The following ALMS1 variants were observed in gnomAD, a reference collection of about 807,000 sequenced individuals.
ALMS1 encodes the protein ALMS1 centrosome and basal body associated protein, also known as centrosome-associated protein ALMS1.
ALMS1 carries 271 observed loss-of-function variants against 352.2 expected under a neutral mutation model. That is an observed-to-expected ratio of 0.77 (90% CI 0.70 to 0.85). ALMS1 has a LOEUF of 0.85. Ranked by LOEUF, ALMS1 falls within the 40% of genes least tolerant of loss-of-function variation. The pLI is 0.00. For missense variants in ALMS1, 5,445 were observed against 4,870.7 expected, an observed-to-expected ratio of 1.12 and a Z score of -3.51; for synonymous variants, 1,865 against 1,761.2, an observed-to-expected ratio of 1.06 and a Z score of -1.48.
At chr2:73,406,081 C>G (rs1475023803) in intron 1 of ALMS1, among the ~76,000 whole-genome samples, 5 of 152,122 alleles carry the variant, frequency 3.3e-5, no homozygotes, top group Non-Finnish European at 5.9e-5. Flanking sequence ...CCTTATTGAT[C>G]TCATTCTATC....
rs372032202 is a variant in ALMS1 at position 73,489,722 on chromosome 2, G to A, written c.7763G>A (p.Arg2588Gln). The A allele has an allele frequency of 5.5e-5, 88 of 1,613,918 alleles. No homozygotes were observed. The highest frequency in any genetic ancestry group is 6.7e-5 in the Non-Finnish European group (79 of 1,180,030). The change falls in exon 10 of 23, where the codon CGG becomes CAG. Residue 2588 changes from arginine to glutamine, a missense_variant. Physicochemically the swap from Arg to Gln is conservative, Grantham distance 43. Transcript: ENST00000613296. ...GAGAGCCATGAAAAGGGATGTTTCCGGACTCTAACTTCTGAACATCCACAA... is the reference window on the plus strand; with the variant it reads ...GAGAGCCATGAAAAGGGATGTTTCCAGACTCTAACTTCTGAACATCCACAA... Reference protein sequence around the residue: ...IIESHEKGCFRTLTSEHPQLD... With the variant: ...IIESHEKGCFQTLTSEHPQLD...
At chr2:73,468,240 G>A (rs1410194924) in intron 9 of ALMS1, among the ~76,000 whole-genome samples, 1 of 151,878 alleles carries the variant, frequency 6.6e-6, no homozygotes, top group Non-Finnish European at 1.5e-5. Flanking sequence ...TTGGAGAATA[G>A]TAAAATTTAT....
At position 73,572,570 on chromosome 2, in the gene ALMS1, A is replaced by G. The variant is rs1381406599; in HGVS notation, c.10693A>G (p.Ser3565Gly). The change falls in exon 16 of 23, where the codon AGT (serine) becomes GGT (glycine). Residue 3565 changes from serine (S) to glycine (G), a missense_variant. Physicochemically the swap from Ser to Gly is moderately conservative, Grantham distance 56 (BLOSUM62 0). Coordinates refer to ENST00000613296, the MANE Select transcript of ALMS1 (RefSeq NM_001378454.1). ...GNKEVMDTTK[S>G]QVRDYPKHNG... ...CAAAGAAGTGATGGATACTACTAAA[A>G]GTCAAGTTAGAGATTATCCAAAACA... The G allele has an allele frequency of 6.2e-7, 1 of 1,613,808 alleles. No homozygotes were observed. Among genetic ancestry groups the G allele is most frequent in the Non-Finnish European group, 8.5e-7 (1 of 1,180,008 alleles).
At chr2:73,540,129 G>A (rs377014930) in intron 12 of ALMS1, among the ~76,000 whole-genome samples, 7 of 152,138 alleles carry the variant, frequency 4.6e-5, no homozygotes, top group South Asian at 2.1e-4. Context: ...GAGAAAGGTC[G>A]GGTTACCCAC....
chr2:73,596,691 C>T (rs555538855), intron 16 of ALMS1, among the ~76,000 whole-genome samples: 8 of 151,880 alleles, frequency 5.3e-5, no homozygotes, highest in South Asian at 2.1e-4. Context: ...AGGCTGGTCT[C>T]GAACTCCTGA....
chr2:73,588,389 G>A (rs566393651), intron 16 of ALMS1, among the ~76,000 whole-genome samples: 1 of 151,944 alleles, frequency 6.6e-6, no homozygotes, highest in East Asian at 1.9e-4. Flanking sequence ...CCCCACCCTC[G>A]TTCTCTCTGG....
intron 2 of ALMS1, among the ~76,000 whole-genome samples, chr2:73,413,949 A>T (rs2421546): frequency 6.6e-6 from 1 of 152,018 alleles, no homozygotes; most frequent in East Asian, 1.9e-4. Context: ...TCTTAAAATC[A>T]GGTTGTGTGA....
At chr2:73,594,977 T>G (rs999157663) in intron 16 of ALMS1, among the ~76,000 whole-genome samples, 1 of 152,230 alleles carries the variant, frequency 6.6e-6, no homozygotes, top group Non-Finnish European at 1.5e-5. Context: ...CTTACCACCT[T>G]CCATTCAGTG....
chr2:73,582,613 T>A (rs535479169), intron 16 of ALMS1, among the ~76,000 whole-genome samples: 1 of 152,380 alleles, frequency 6.6e-6, no homozygotes, highest in South Asian at 2.1e-4. Context: ...ATGAGTGTAA[T>A]CATGCAGATT....
intron 1 of ALMS1, among the ~76,000 whole-genome samples, chr2:73,394,650 T>C (rs1670717408): frequency 1.3e-5 from 2 of 152,120 alleles, no homozygotes; most frequent in African/African-American, 4.8e-5. Flanking sequence ...GTGCCTGGCC[T>C]AATCATCTGG....
At chr2:73,528,568 G>A (rs1035024541) in intron 11 of ALMS1, among the ~76,000 whole-genome samples, 12 of 152,012 alleles carry the variant, frequency 7.9e-5, no homozygotes, top group East Asian at 1.9e-4. Context: ...TTCTATTTGC[G>A]TGGGATATCT....
At chr2:73,442,648 G>A (rs529900906) in intron 7 of ALMS1, among the ~76,000 whole-genome samples, 39 of 152,248 alleles carry the variant, frequency 2.6e-4, no homozygotes, top group African/African-American at 8.7e-4. Context: ...TCAGTTAGTG[G>A]TACAGTACTG....
At chr2:73,479,829 T>C (rs897203247) in intron 9 of ALMS1, among the ~76,000 whole-genome samples, 2 of 152,148 alleles carry the variant, frequency 1.3e-5, no homozygotes, top group African/African-American at 4.8e-5. Flanking sequence ...TCATTTACAT[T>C]CCCACCAGCA....
intron 16 of ALMS1, among the ~76,000 whole-genome samples, chr2:73,576,060 G>A (rs1418028900): frequency 6.6e-6 from 1 of 152,010 alleles, no homozygotes; most frequent in South Asian, 2.1e-4. Flanking sequence ...TCTCAACATC[G>A]TTTGTTGAAA....
chr2:73,505,551 A>G (rs922188931), intron 10 of ALMS1, among the ~76,000 whole-genome samples: 2 of 152,010 alleles, frequency 1.3e-5, no homozygotes, highest in African/African-American at 4.8e-5. Flanking sequence ...TCCTTCGCCC[A>G]CTTTTTGATG....
At chr2:73,552,807 G>T (rs1444874834) in intron 13 of ALMS1, among the ~76,000 whole-genome samples, 1 of 152,108 alleles carries the variant, frequency 6.6e-6, no homozygotes, top group Non-Finnish European at 1.5e-5. Context: ...AGCTAAATGA[G>T]CTCATAAAAT....
intron 9 of ALMS1, chr2:73,469,593 CTT>C (rs979507612): frequency 1.2e-4 from 18 of 151,734 alleles, no homozygotes; most frequent in African/African-American, 4.4e-4. Context: ...GAGAGAAAAA[CTT>C]TATTGATCAA....
intron 21 of ALMS1, among the ~76,000 whole-genome samples, chr2:73,605,471 T>C (rs1267583218): frequency 1.3e-5 from 2 of 152,252 alleles, no homozygotes; most frequent in African/African-American, 4.8e-5. Flanking sequence ...TAATGAAAGA[T>C]AGACTGATGG....
chr2:73,403,745 G>T (rs1670916945), intron 1 of ALMS1, among the ~76,000 whole-genome samples: 1 of 151,790 alleles, frequency 6.6e-6, no homozygotes, highest in Non-Finnish European at 1.5e-5. Flanking sequence ...TTGCCTTCTT[G>T]GTTACATTTA....
Sources: gnomAD v4.1 joint callset for allele counts (sites outside exome capture counted in the v4.1 genomes callset) on GRCh38, gnomAD v4.1.1 for gene constraint, MANE v1.5 for transcripts, NCBI Gene and HGNC (gene_info 2026-07-23, HGNC 2026-07-21) for gene names.